Variants in MTERF4 observed in about 807,000 individuals in gnomAD.
MTERF4 encodes mitochondrial transcription termination factor 4.
In MTERF4, 17 loss-of-function variants were observed where a neutral mutation model predicts 22.5. The ratio of observed to expected loss-of-function variants is 0.75; its 90% CI spans 0.52 to 1.13. MTERF4 has a LOEUF of 1.13. Ranked by LOEUF, MTERF4 falls within the 50% of genes most tolerant of loss-of-function variation. MTERF4 has a pLI of 0.00. For synonymous variants in MTERF4, 165 were observed against 175.3 expected, an observed-to-expected ratio of 0.94 and a Z score of 0.47; for missense variants, 420 against 466.8, an observed-to-expected ratio of 0.90 and a Z score of 0.92.
downstream of MTERF4, chr2:241,071,557 C>T: frequency 6.4e-7 from 1 of 1,572,882 alleles, no homozygotes; most frequent in African/African-American, 1.3e-5. Context: ...CCAGCCCCTT[C>T]CTCCTGCCTG....
chr2:241,098,989 AG>A (rs924176022), intron 2 of MTERF4, among the ~76,000 whole-genome samples: 1 of 152,094 alleles, frequency 6.6e-6, no homozygotes, highest in African/African-American at 2.4e-5. Flanking sequence ...AGTCCTCTCC[AG>A]GAACACTGAC....
chr2:241,100,134 G>A (rs1575198463), intron 1 of MTERF4: 1 of 460,860 alleles, frequency 2.2e-6, no homozygotes, highest in East Asian at 3.6e-5. Flanking sequence ...AGCTTTTGCA[G>A]CTTTAAGGAT....
the MTERF4 span, chr2:241,051,680 T>C: frequency 1.6e-6 from 2 of 1,259,800 alleles, no homozygotes; most frequent in Non-Finnish European, 1.1e-6. The surrounding 1 kb of genome is among the most constrained non-coding windows in gnomAD (Gnocchi z 4.7). Context: ...GCCAGGAGGG[T>C]ATAGTGGCTC....
chr2:241,097,424 T>C lies in MTERF4; in HGVS notation c.524A>G (p.Lys175Arg), dbSNP rs776137476. 45 of 1,612,300 alleles carry C rather than the reference T, an allele frequency of 2.8e-5. No homozygotes were observed. The highest frequency in any genetic ancestry group is 3.7e-5 in the Non-Finnish European group (44 of 1,178,864). ...GCAACAGTAAAGCACCCTCTTTAAT[T>C]TCCCTGCAGAACATTCAAAAAAGGC... ...YLQKLGLGEG[K>R]LKRVLYCCPE... Residue 175 changes from lysine to arginine, a missense_variant, in exon 3 of 4, where the codon AAA (lysine) becomes AGA (arginine). Transcript: ENST00000391980.
chr2:241,072,680 G>C lies in MTERF4; in HGVS notation n.3482C>G, dbSNP rs542982986. On this transcript the variant is annotated non_coding_transcript_exon_variant, in exon 5 of 5. Transcript: ENST00000464344. ...AGCAGGGGAGAGAGCCCCCAGCAAG[G>C]TGTCTGAGGAGAGGGCAGGCAGCTG... The C allele has an allele frequency of 5.6e-3, 1,152 of 204,596 alleles. 5 individuals carry two copies. The highest frequency in any genetic ancestry group is 8.2e-3 in the Non-Finnish European group (822 of 100,582). The allele number at this position is 204,596 out of a possible 1,614,324, so 12.7% of individuals were successfully genotyped here. A position where few individuals can be genotyped will look rare whatever the true frequency, so the allele number is the denominator to read the frequency against.
downstream of MTERF4, chr2:241,090,253 AAC>A (rs1263241805): frequency 2.0e-6 from 3 of 1,514,988 alleles, no homozygotes; most frequent in African/African-American, 1.4e-5. Context: ...CTAAGACACA[AAC>A]ACACACATTG....
the MTERF4 span, among the ~76,000 whole-genome samples, chr2:241,043,301 A>G: frequency 6.6e-6 from 1 of 152,190 alleles, no homozygotes; most frequent in African/African-American, 2.4e-5. Context: ...GCGAAACAAG[A>G]ATGAAACAGA....
the MTERF4 span, among the ~76,000 whole-genome samples, chr2:241,064,431 A>G: frequency 6.6e-6 from 1 of 152,174 alleles, no homozygotes; most frequent in Non-Finnish European, 1.5e-5. The surrounding 1 kb of genome is among the most constrained non-coding windows in gnomAD (Gnocchi z 7.0). Flanking sequence ...GCCCTTGGAC[A>G]GGCCAAGTTT....
rs756889465 is a variant in MTERF4, at chr2:241,099,521, A to T, written c.395T>A (p.Ile132Asn). 1 of 1,614,208 alleles carries T rather than the reference A, an allele frequency of 6.2e-7. No homozygotes were observed. The highest frequency in any genetic ancestry group is 2.2e-5 in the East Asian group (1 of 44,884). The change falls in exon 2 of 4, where the codon ATT becomes AAT. Residue 132 changes from isoleucine (I) to asparagine (N), a missense_variant. Transcript: ENST00000391980. ...QQLLDIISEF[I>N]LLGLNPEPVC... is the part of the protein sequence containing the mutation. The stretch of plus-strand genomic sequence containing the variant: ...AGGCTCTGGATTCAGACCCAAGAGA[A>T]TAAATTCTGAAATGATGTCCAGCAA...
At chr2:241,052,176 C>T in the MTERF4 span, 2 of 1,599,670 alleles carry the variant, frequency 1.3e-6, no homozygotes, top group Non-Finnish European at 1.7e-6. Flanking sequence ...GGTGGGAGGC[C>T]AGGCCAGGGC....
the MTERF4 span, among the ~76,000 whole-genome samples, chr2:241,057,604 A>G: frequency 6.6e-6 from 1 of 151,772 alleles, no homozygotes; most frequent in Admixed American, 6.6e-5. Context: ...GGATCACTTG[A>G]GCCCAGGAAT....
At chr2:241,067,806 C>T (rs772010874), downstream of MTERF4, 1 of 1,613,110 alleles carries the variant, frequency 6.2e-7, no homozygotes, top group Non-Finnish European at 8.5e-7. Context: ...AATGTGACGG[C>T]TAGCACCATC....
chr2:241,055,587 G>C, the MTERF4 span, among the ~76,000 whole-genome samples: 24 of 152,310 alleles, frequency 1.6e-4, no homozygotes, highest in African/African-American at 5.5e-4. Context: ...ACCTATTAAA[G>C]AGTTGAGGAG....
chr2:241,094,335 C>T (rs774988119), downstream of MTERF4: 2 of 470,578 alleles, frequency 4.3e-6, no homozygotes, highest in African/African-American at 2.0e-5. The surrounding 1 kb of genome is among the most constrained non-coding windows in gnomAD (Gnocchi z 4.3). Context: ...CCACTGCCAT[C>T]TGACTCAACT....
intron 1 of MTERF4, 100 bp from the exon 2 acceptor site, chr2:241,099,994 C>T: frequency 1.4e-6 from 2 of 1,389,506 alleles, no homozygotes; most frequent in South Asian, 1.5e-5. Context: ...CTTGGTTCCA[C>T]ACAAACATAC....
At chr2:241,083,519 CCAGGTGTAATATGT>C (rs2063431950), downstream of MTERF4, among the ~76,000 whole-genome samples, 1 of 152,144 alleles carries the variant, frequency 6.6e-6, no homozygotes, top group Non-Finnish European at 1.5e-5. Flanking sequence ...GGACATGAAG[CCAGGTGTAATATGT>C]AGCAGGAACA....
At chr2:241,045,609 A>C in the MTERF4 span, among the ~76,000 whole-genome samples, 14 of 152,050 alleles carry the variant, frequency 9.2e-5, no homozygotes, top group Admixed American at 2.6e-4. Context: ...ATAAAAAAAA[A>C]ACCTCAACTT....
In MTERF4 at chr2:241,073,337, C is replaced by A; in HGVS notation, n.2825G>T. On this transcript the variant is annotated non_coding_transcript_exon_variant, in exon 5 of 5. Coordinates refer to the MTERF4 transcript ENST00000464344. The surrounding 1 kb of genome is among the most constrained non-coding windows in gnomAD (Gnocchi z 6.6). ...GCGGGTCAGCCTGGCCCTCCAGCTC[C>A]CTGAACACGGCAGCAAGGACATCGG... 1 of 1,573,808 alleles carries A rather than the reference C, an allele frequency of 6.4e-7. No homozygotes were observed. The highest frequency in any genetic ancestry group is 2.4e-5 in the East Asian group (1 of 42,476).
the MTERF4 span, among the ~76,000 whole-genome samples, chr2:241,062,188 T>A: frequency 1.3e-5 from 2 of 152,224 alleles, no homozygotes; most frequent in Non-Finnish European, 2.9e-5. Flanking sequence ...AAGGAAATTA[T>A]AAACCCAGAG....
Sources: allele counts gnomAD v4.1 joint callset (sites outside exome capture counted in the v4.1 genomes callset), GRCh38; gene constraint gnomAD v4.1.1; non-coding constraint Gnocchi (gnomAD v3.1); transcripts MANE v1.5; gene names NCBI Gene and HGNC (gene_info 2026-07-23, HGNC 2026-07-21).